The following OR1J2 variants were observed in gnomAD, a reference collection of about 807,000 sequenced individuals.
OR1J2 encodes the protein olfactory receptor family 1 subfamily J member 2, also known as olfactory receptor 1J2.
For synonymous variants in OR1J2, 142 were observed against 99.7 expected, an observed-to-expected ratio of 1.42 and a Z score of -2.52; for missense variants, 304 against 246.1, an observed-to-expected ratio of 1.24 and a Z score of -1.57.
the OR1J2 span, among the ~76,000 whole-genome samples, chr9:122,534,064 C>T: frequency 5.9e-5 from 9 of 152,104 alleles, no homozygotes; most frequent in African/African-American, 1.4e-4. Context: ...GCCGGTATTC[C>T]GTGGCCTGGT....
At chr9:122,525,502 A>G in the OR1J2 span, among the ~76,000 whole-genome samples, 1 of 152,222 alleles carries the variant, frequency 6.6e-6, no homozygotes, top group Non-Finnish European at 1.5e-5. Flanking sequence ...GGAGACAGAT[A>G]GAATGCCATT....
At chr9:122,448,280 C>T in the OR1J2 span, among the ~76,000 whole-genome samples, 1 of 152,142 alleles carries the variant, frequency 6.6e-6, no homozygotes, top group Non-Finnish European at 1.5e-5. Context: ...TTTTCTCCAC[C>T]TAAACATCTT....
the OR1J2 span, among the ~76,000 whole-genome samples, chr9:122,483,673 G>A: frequency 1.5e-4 from 23 of 152,316 alleles, no homozygotes; most frequent in African/African-American, 5.5e-4. Context: ...ATGCACCTTT[G>A]GCTGTGCTGA....
At chr9:122,471,009 T>G in the OR1J2 span, among the ~76,000 whole-genome samples, 1 of 152,194 alleles carries the variant, frequency 6.6e-6, no homozygotes, top group African/African-American at 2.4e-5. Flanking sequence ...GGACTTGCCT[T>G]GTCTCAGATG....
chr9:122,477,300 A>G, the OR1J2 span: 1 of 1,614,056 alleles, frequency 6.2e-7, no homozygotes, highest in Non-Finnish European at 8.5e-7. Context: ...ACAGGAATGG[A>G]AGCATAATGG....
chr9:122,526,384 T>C, the OR1J2 span: 1 of 1,506,856 alleles, frequency 6.6e-7, no homozygotes, highest in East Asian at 2.3e-5. Context: ...CTCCTGTGAC[T>C]GAAGAGCCTC....
chr9:122,513,383 A>G (rs747798231), downstream of OR1J2, among the ~76,000 whole-genome samples: 1 of 152,228 alleles, frequency 6.6e-6, no homozygotes, highest in Non-Finnish European at 1.5e-5. Flanking sequence ...GGAATATTGC[A>G]GTAGCAACTT....
At chr9:122,500,584 A>G in the OR1J2 span, among the ~76,000 whole-genome samples, 1 of 152,348 alleles carries the variant, frequency 6.6e-6, no homozygotes, top group South Asian at 2.1e-4. Flanking sequence ...TGATATGGCC[A>G]TGAGAAAAGA....
At chr9:122,521,496 T>C in the OR1J2 span, among the ~76,000 whole-genome samples, 2 of 152,194 alleles carry the variant, frequency 1.3e-5, no homozygotes, top group South Asian at 4.1e-4. Context: ...TGATCCTTCA[T>C]CGGGGGCTCA....
At chr9:122,465,087 A>G in the OR1J2 span, among the ~76,000 whole-genome samples, 2 of 152,162 alleles carry the variant, frequency 1.3e-5, no homozygotes, top group Non-Finnish European at 1.5e-5. Context: ...CATTAGGGCA[A>G]TTGCCACCAT....
chr9:122,527,260 G>A, the OR1J2 span: 1 of 1,611,628 alleles, frequency 6.2e-7, no homozygotes, highest in African/African-American at 1.3e-5. Context: ...ATTCCTCGGA[G>A]GAAAAATTCA....
downstream of OR1J2, among the ~76,000 whole-genome samples, chr9:122,514,109 A>C (rs150998090): frequency 2.0e-4 from 30 of 152,330 alleles, no homozygotes; most frequent in East Asian, 5.6e-3. Context: ...CATGTTTATG[A>C]ATAAGTCATT....
Position 122,511,471 on chromosome 9 carries a change from A to G in OR1J2, c.670A>G (p.Thr224Ala). The G allele has an allele frequency of 1.3e-6, 1 of 780,562 alleles. No individual in the cohort carries two copies. Among genetic ancestry groups the G allele is most frequent in the Non-Finnish European group, 2.4e-6 (1 of 417,892 alleles). 48.4% of individuals were successfully genotyped at this position (780,562 alleles called of 1,614,324 possible). The change falls in exon 1 of 1, where the codon ACC becomes GCC. Residue 224 changes from threonine (T) to alanine (A), a missense_variant. Physicochemically the swap from Thr to Ala is moderately conservative, Grantham distance 58. Coordinates refer to ENST00000335302, the MANE Select transcript of OR1J2 (RefSeq NM_054107.1). ...ILVSYGYIGA[T>A]ILRVPSTKGI... ...GGTATCATATGGCTACATTGGGGCC[A>G]CCATCCTGAGGGTCCCTTCAACCAA...
chr9:122,553,390 C>T, the OR1J2 span: 1 of 1,614,164 alleles, frequency 6.2e-7, no homozygotes, highest in Non-Finnish European at 8.5e-7. Context: ...CACCTCCATA[C>T]TCCCATGTAC....
the OR1J2 span, among the ~76,000 whole-genome samples, chr9:122,459,888 A>G: frequency 6.6e-6 from 1 of 151,982 alleles, no homozygotes; most frequent in Non-Finnish European, 1.5e-5. Flanking sequence ...ATTGAATTAG[A>G]TTGGTGCAAA....
the OR1J2 span, among the ~76,000 whole-genome samples, chr9:122,522,585 G>GTGTA: frequency 6.7e-6 from 1 of 149,298 alleles, no homozygotes; most frequent in Non-Finnish European, 1.5e-5. Context: ...CTGTGTGCAT[G>GTGTA]TGTGTGTGTG....
the OR1J2 span, chr9:122,477,617 A>G: frequency 6.2e-7 from 1 of 1,614,228 alleles, no homozygotes; most frequent in African/African-American, 1.3e-5. Context: ...AAAAATATGA[A>G]AAAATATGTC....
the OR1J2 span, among the ~76,000 whole-genome samples, chr9:122,555,165 A>T: frequency 6.6e-6 from 1 of 152,238 alleles, no homozygotes; most frequent in Non-Finnish European, 1.5e-5. Flanking sequence ...CTCACAGAGA[A>T]AAAGAAGCAC....
the OR1J2 span, among the ~76,000 whole-genome samples, chr9:122,561,046 A>G: frequency 1.3e-5 from 2 of 151,762 alleles, no homozygotes; most frequent in African/African-American, 4.8e-5. Flanking sequence ...TTTTCCTTTA[A>G]TCTTGTCTGC....
Sources: allele counts gnomAD v4.1 joint callset (sites outside exome capture counted in the v4.1 genomes callset), GRCh38; gene constraint gnomAD v4.1.1; transcripts MANE v1.5; gene names NCBI Gene and HGNC (gene_info 2026-07-23, HGNC 2026-07-21).